Variants in NEBL observed in about 807,000 individuals in gnomAD.
NEBL encodes LIM and SH3 protein 2.
Under a neutral mutation model 140.2 loss-of-function variants are expected in NEBL, and 122 were observed. The ratio of observed to expected loss-of-function variants is 0.87; its 90% CI spans 0.75 to 1.01. The LOEUF is 1.01. Among genes scored for constraint, NEBL ranks in the 50% least tolerant of loss-of-function variants. The pLI, the probability that NEBL is intolerant of heterozygous loss-of-function variation, is 0.00. For synonymous variants in NEBL, 436 were observed against 398.9 expected, an observed-to-expected ratio of 1.09 and a Z score of -1.11; for missense variants, 1,365 against 1,231.3, an observed-to-expected ratio of 1.11 and a Z score of -1.62.
intron 3 of NEBL, among the ~76,000 whole-genome samples, chr10:21,007,682 T>C (rs1589131204): frequency 6.6e-6 from 1 of 152,128 alleles, no homozygotes; most frequent in East Asian, 1.9e-4. Flanking sequence ...AGGACAAAGA[T>C]GAAAACAGAC....
chr10:20,966,005 C>G (rs1037078232), intron 3 of NEBL, among the ~76,000 whole-genome samples: 5 of 152,198 alleles, frequency 3.3e-5, no homozygotes, highest in African/African-American at 1.2e-4. Flanking sequence ...AGTCTTATCT[C>G]CCTACAGTCT....
At chr10:21,144,338 C>T (rs994801857) in intron 2 of NEBL, among the ~76,000 whole-genome samples, 7 of 152,216 alleles carry the variant, frequency 4.6e-5, no homozygotes, top group African/African-American at 7.2e-5. Flanking sequence ...AGTGGCTTCC[C>T]TGGTACTGCA....
chr10:20,953,080 A>G (rs1410019236), intron 4 of NEBL, among the ~76,000 whole-genome samples: 2 of 152,170 alleles, frequency 1.3e-5, no homozygotes, highest in Non-Finnish European at 1.5e-5. Context: ...TTATACATGC[A>G]GATCATTCCC....
intron 14 of NEBL, among the ~76,000 whole-genome samples, chr10:20,833,556 G>A (rs1447242600): frequency 1.3e-5 from 2 of 152,002 alleles, no homozygotes; most frequent in Non-Finnish European, 2.9e-5. Flanking sequence ...AGAGCCACGT[G>A]AATCAATTTA....
At chr10:21,178,060 C>A (rs976198175), upstream of NEBL, among the ~76,000 whole-genome samples, 4 of 152,166 alleles carry the variant, frequency 2.6e-5, no homozygotes, top group Non-Finnish European at 4.4e-5. Flanking sequence ...GGAAAAAGGT[C>A]AATTTTAGCT....
chr10:20,989,532 C>A (rs2131682114), intron 3 of NEBL, among the ~76,000 whole-genome samples: 1 of 151,974 alleles, frequency 6.6e-6, no homozygotes, highest in South Asian at 2.1e-4. Context: ...GAATAAACAA[C>A]CAAAAGAAAC....
intron 13 of NEBL, among the ~76,000 whole-genome samples, chr10:20,837,394 G>A (rs1841004096): frequency 1.3e-5 from 2 of 152,114 alleles, no homozygotes; most frequent in African/African-American, 4.8e-5. Flanking sequence ...ACCTAATCCA[G>A]AACAAGGCCC....
intron 4 of NEBL, among the ~76,000 whole-genome samples, chr10:20,954,025 GAAAAAA>G (rs200642113): frequency 4.0e-5 from 5 of 125,720 alleles, no homozygotes; most frequent in Non-Finnish European, 5.0e-5. Flanking sequence ...TCTTCTTAAG[GAAAAAA>G]AAAAAAAAAA....
intron 16 of NEBL, among the ~76,000 whole-genome samples, chr10:20,830,971 G>A (rs937686593): frequency 1.6e-4 from 23 of 143,024 alleles, no homozygotes; most frequent in Non-Finnish European, 2.7e-4. Context: ...AAGGAGCCCC[G>A]ACAGAGAGGC....
chr10:21,136,604 C>T (rs142253402), intron 2 of NEBL, among the ~76,000 whole-genome samples: 1 of 152,330 alleles, frequency 6.6e-6, no homozygotes, highest in East Asian at 1.9e-4. Context: ...CCCCACCTCT[C>T]CTTCTGTATC....
intron 3 of NEBL, among the ~76,000 whole-genome samples, chr10:21,235,856 A>G (rs1338215312): frequency 6.6e-6 from 1 of 152,202 alleles, no homozygotes; most frequent in East Asian, 1.9e-4. Flanking sequence ...GATTTATGAC[A>G]CACCCATCTC....
At chr10:21,238,059 C>T (rs1842383826) in intron 3 of NEBL, among the ~76,000 whole-genome samples, 1 of 152,202 alleles carries the variant, frequency 6.6e-6, no homozygotes. Context: ...ACACGGAGAG[C>T]TCTTAATAAA....
rs559196331 is a variant in NEBL, at chr10:21,119,526, C to T, written c.164+52857G>A. On this transcript the variant is annotated intron_variant, in intron 2 of 6. Coordinates refer to the NEBL transcript ENST00000417816. The stretch of plus-strand genomic sequence containing the variant: ...ATATATAGTTATATTGAGTAATATA[C>T]TGAATATAACATATATAACATTTAT... 2.2e-4 allele frequency among the ~76,000 whole-genome samples: 33 copies of T among 148,762 alleles called. No homozygotes were observed. In the East Asian group the frequency reaches 6.5e-3, roughly 29 times the overall value.
intron 4 of NEBL, among the ~76,000 whole-genome samples, chr10:20,915,306 C>T (rs183924659): frequency 2.2e-3 from 332 of 151,546 alleles, no homozygotes; most frequent in South Asian, 4.8e-3. Context: ...GCACATTGTG[C>T]AGGTTAGTTA....
At chr10:20,941,169 T>C (rs1309623930) in intron 4 of NEBL, among the ~76,000 whole-genome samples, 2 of 152,192 alleles carry the variant, frequency 1.3e-5, no homozygotes, top group African/African-American at 2.4e-5. Context: ...CTGATGAACA[T>C]TGATGCAAAA....
chr10:21,212,986 T>C (rs1841940503), intron 3 of NEBL, among the ~76,000 whole-genome samples: 1 of 152,116 alleles, frequency 6.6e-6, no homozygotes, highest in African/African-American at 2.4e-5. Flanking sequence ...CGGTAGCAGC[T>C]ACAAATGTAA....
intron 3 of NEBL, among the ~76,000 whole-genome samples, chr10:20,971,648 C>T (rs1339654924): frequency 7.6e-6 from 1 of 131,112 alleles, no homozygotes; most frequent in African/African-American, 2.8e-5. Context: ...GAGTCTCACT[C>T]TGTCACCCAG....
chr10:21,023,815 A>C (rs1004095570), intron 2 of NEBL, among the ~76,000 whole-genome samples: 1 of 152,186 alleles, frequency 6.6e-6, no homozygotes, highest in Admixed American at 6.5e-5. Flanking sequence ...GTGTCTCTTC[A>C]CTATGTGTGC....
chr10:21,261,360 C>T (rs1027868763), intron 1 of NEBL, among the ~76,000 whole-genome samples: 5 of 152,100 alleles, frequency 3.3e-5, no homozygotes, highest in Non-Finnish European at 7.4e-5. Context: ...ATCATCAGTA[C>T]CTTCAAAATA....
Sources: allele counts gnomAD v4.1 joint callset (sites outside exome capture counted in the v4.1 genomes callset), GRCh38; gene constraint gnomAD v4.1.1; transcripts MANE v1.5; gene names NCBI Gene and HGNC (gene_info 2026-07-23, HGNC 2026-07-21).